Variants in IGSF10 observed in about 807,000 individuals in gnomAD.
IGSF10 encodes the protein calvaria mechanical force protein 608.
IGSF10 carries 126 observed loss-of-function variants against 128.2 expected under a neutral mutation model. That is an observed-to-expected ratio of 0.98 (90% CI 0.85 to 1.14). The LOEUF (loss-of-function observed/expected upper bound fraction) is 1.14. IGSF10 is among the 50% of genes most tolerant of loss of function. IGSF10 has a pLI of 0.00. For synonymous variants in IGSF10, 1,185 were observed against 1,146.2 expected (o/e 1.03, Z -0.68); for missense variants, 3,295 against 3,149.8 (o/e 1.05, Z -1.10).
At chr3:151,548,183 C>A in the IGSF10 span, among the ~76,000 whole-genome samples, 2 of 152,202 alleles carry the variant, frequency 1.3e-5, no homozygotes, top group Non-Finnish European at 2.9e-5. Context: ...CACTTGTTTG[C>A]GGAACCCTAA....
chr3:151,582,432 T>C, the IGSF10 span, among the ~76,000 whole-genome samples: 2 of 151,914 alleles, frequency 1.3e-5, no homozygotes, highest in Non-Finnish European at 1.5e-5. Context: ...AGTTTAACAC[T>C]ATCCTGATTT....
Position 151,458,573 on chromosome 3 carries a change from C to G in IGSF10, c.137G>C (p.Arg46Pro). The G allele has an allele frequency of 6.2e-7, 1 of 1,614,040 alleles. No individual in the cohort carries two copies. Among genetic ancestry groups the G allele is most frequent in the South Asian group, 1.1e-5 (1 of 91,066 alleles). ...YMPTEVHCTFRYLTSIPDSIP... is the reference protein window; with the variant it reads ...YMPTEVHCTFPYLTSIPDSIP... ...GCTGTCTGGGATGGAAGTCAGGTAC[C>G]GAAATGTGCAGTGTACCTCCGTAGG... The change falls in exon 3 of 8, where the codon CGG becomes CCG. Residue 46 changes from arginine (R) to proline (P), a missense_variant. Transcript: ENST00000282466.
At chr3:151,474,110 T>A in the IGSF10 span, among the ~76,000 whole-genome samples, 1 of 152,172 alleles carries the variant, frequency 6.6e-6, no homozygotes, top group Admixed American at 6.5e-5. Flanking sequence ...AGCTACTCTC[T>A]GAAAAGTAGA....
the IGSF10 span, among the ~76,000 whole-genome samples, chr3:151,579,713 T>C: frequency 6.6e-6 from 1 of 151,634 alleles, no homozygotes; most frequent in Admixed American, 6.6e-5. Context: ...AGAGAACAAA[T>C]AAATATTTGA....
the IGSF10 span, among the ~76,000 whole-genome samples, chr3:151,578,703 C>T: frequency 9.2e-5 from 14 of 152,156 alleles, no homozygotes; most frequent in African/African-American, 3.4e-4. Context: ...CTTTAAGCCA[C>T]TAGGGGCAGG....
chr3:151,542,405 G>A, the IGSF10 span, among the ~76,000 whole-genome samples: 1 of 152,198 alleles, frequency 6.6e-6, no homozygotes, highest in African/African-American at 2.4e-5. Flanking sequence ...ATACACAGAA[G>A]TATATAGGGA....
Position 151,448,210 on chromosome 3 carries a change from G to C in IGSF10, c.1771C>G (p.Leu591Val). The C allele has an allele frequency of 6.2e-7, 1 of 1,614,216 alleles. No individual in the cohort carries two copies. The highest frequency in any genetic ancestry group is 1.7e-5 in the Admixed American group (1 of 60,030). Residue 591 changes from leucine to valine, a missense_variant, in exon 6 of 8, where the codon CTT becomes GTT. Leu to Val is a conservative substitution (Grantham distance 32). Transcript: ENST00000282466. ...CCAGTAGAATGGCATGGAAGATCAA[G>C]TGTTTCACCAATGAAAACTGTGTGA... ...IHHTVFIGET[L>V]DLPCHSTGIP...
the IGSF10 span, among the ~76,000 whole-genome samples, chr3:151,550,250 C>T: frequency 2.6e-4 from 39 of 152,208 alleles, no homozygotes; most frequent in African/African-American, 8.4e-4. Flanking sequence ...GGCATATCTC[C>T]GGAGTAGTGA....
At chr3:151,492,789 A>G in the IGSF10 span, among the ~76,000 whole-genome samples, 43,636 of 151,728 alleles carry the variant, frequency 0.29, 6,918 homozygotes, top group Middle Eastern at 0.38. Flanking sequence ...ATCTTTGTAT[A>G]TATACCCAAA....
chr3:151,447,423 G>C lies in IGSF10; in HGVS notation c.2558C>G (p.Pro853Arg). Residue 853 changes from proline (P) to arginine (R), a missense_variant, in exon 6 of 8, where the codon CCT becomes CGT. Physicochemically the swap from Pro to Arg is moderately radical, Grantham distance 103. Transcript: ENST00000282466. The stretch of plus-strand genomic sequence containing the variant: ...CAGTTTGAAATCTGTGGGTTCTTCA[G>C]GTGGTAGTATTTGTGAATTCACAAC... ...SPVVNSQILPPEEPTDFKLST... is the reference protein window; with the variant it reads ...SPVVNSQILPREEPTDFKLST... The C allele has an allele frequency of 6.2e-7, 1 of 1,614,050 alleles. No individual in the cohort carries two copies. The highest frequency in any genetic ancestry group is 1.1e-5 in the South Asian group (1 of 91,078).
chr3:151,556,094 G>A, the IGSF10 span, among the ~76,000 whole-genome samples: 2 of 152,162 alleles, frequency 1.3e-5, no homozygotes, highest in East Asian at 1.9e-4. Context: ...GGGCTACAGA[G>A]GCCCCGCTGG....
the IGSF10 span, among the ~76,000 whole-genome samples, chr3:151,584,951 C>T: frequency 2.0e-4 from 30 of 152,174 alleles, no homozygotes; most frequent in Non-Finnish European, 3.7e-4. Context: ...TATCCAGCAA[C>T]TTTATTTAAA....
At chr3:151,483,500 G>T in the IGSF10 span, among the ~76,000 whole-genome samples, 1 of 152,158 alleles carries the variant, frequency 6.6e-6, no homozygotes, top group Non-Finnish European at 1.5e-5. Context: ...ATGTAGAAAA[G>T]AAAAGAGGGG....
upstream of IGSF10, among the ~76,000 whole-genome samples, chr3:151,463,522 G>GGTTTTTTTTTTTTT (rs1722142112): frequency 3.1e-5 from 1 of 31,870 alleles, no homozygotes. Context: ...TACATTTTCT[G>GGTTTTTTTTTTTTT]GTTTTTTTTT....
chr3:151,492,701 G>C, the IGSF10 span, among the ~76,000 whole-genome samples: 128 of 152,036 alleles, frequency 8.4e-4, no homozygotes, highest in African/African-American at 3.0e-3. Flanking sequence ...CTGGGTGACA[G>C]TACAGGCTTT....
the IGSF10 span, among the ~76,000 whole-genome samples, chr3:151,483,490 A>G: frequency 6.6e-6 from 1 of 152,174 alleles, no homozygotes; most frequent in Non-Finnish European, 1.5e-5. Flanking sequence ...CAAATCACAA[A>G]TGTAGAAAAG....
At chr3:151,614,395 A>G in the IGSF10 span, among the ~76,000 whole-genome samples, 1 of 152,216 alleles carries the variant, frequency 6.6e-6, no homozygotes, top group African/African-American at 2.4e-5. Context: ...GGCACTATTC[A>G]CACTAGCAAA....
chr3:151,527,556 A>G, the IGSF10 span, among the ~76,000 whole-genome samples: 6 of 152,226 alleles, frequency 3.9e-5, no homozygotes, highest in Non-Finnish European at 7.3e-5. Flanking sequence ...AAAAGGAACA[A>G]ATGGATATTT....
chr3:151,589,381 C>T, the IGSF10 span, among the ~76,000 whole-genome samples: 40 of 152,324 alleles, frequency 2.6e-4, no homozygotes, highest in African/African-American at 9.6e-4. Flanking sequence ...AATTTTCCAT[C>T]TGAAGATGTA....
Sources: gnomAD v4.1 joint callset for allele counts (sites outside exome capture counted in the v4.1 genomes callset) on GRCh38, gnomAD v4.1.1 for gene constraint, MANE v1.5 for transcripts, NCBI Gene and HGNC (gene_info 2026-07-23, HGNC 2026-07-21) for gene names.